The following ANKFN1 variants were observed in gnomAD, a reference collection of about 807,000 sequenced individuals.
ANKFN1 encodes the protein ankyrin repeat and fibronectin type III domain containing 1.
Under a neutral mutation model 108.7 loss-of-function variants are expected in ANKFN1, and 74 were observed. The observed-to-expected ratio is 0.68, with a 90% CI of 0.56 to 0.83. The LOEUF is 0.83. Among genes scored for constraint, ANKFN1 ranks in the 40% least tolerant of loss-of-function variants. The probability of loss-of-function intolerance (pLI) is 0.00; values close to 1 mark genes in which losing one functional copy is unlikely to be tolerated. For synonymous variants in ANKFN1, 547 were observed against 516.2 expected (o/e 1.06, Z -0.81); for missense variants, 1,505 against 1,382.3 (o/e 1.09, Z -1.41).
intron 3 of ANKFN1, among the ~76,000 whole-genome samples, chr17:56,283,569 T>A (rs1265309274): frequency 6.8e-6 from 1 of 147,756 alleles, no homozygotes; most frequent in Non-Finnish European, 1.5e-5. Flanking sequence ...TAAAAAGGAA[T>A]GAATTAATGG....
intron 8 of ANKFN1, among the ~76,000 whole-genome samples, chr17:56,391,236 T>C (rs931812625): frequency 3.0e-5 from 1 of 33,700 alleles, no homozygotes; most frequent in Admixed American, 8.7e-4. Context: ...TATATATATA[T>C]ATATATATAT....
intron 4 of ANKFN1, among the ~76,000 whole-genome samples, chr17:56,132,822 C>CT (rs1050068374): frequency 2.6e-5 from 4 of 152,056 alleles, no homozygotes; most frequent in Non-Finnish European, 4.4e-5. Flanking sequence ...CATAAGGGCA[C>CT]TAATCCTATG....
intron 3 of ANKFN1, among the ~76,000 whole-genome samples, chr17:56,247,644 A>G (rs1918052501): frequency 6.6e-6 from 1 of 152,192 alleles, no homozygotes; most frequent in Admixed American, 6.5e-5. Flanking sequence ...TTGAAGGTCA[A>G]AGAGGAATCA....
chr17:56,487,029 C>T (rs1480922612), intron 18 of ANKFN1, among the ~76,000 whole-genome samples: 1 of 152,176 alleles, frequency 6.6e-6, no homozygotes, highest in Non-Finnish European at 1.5e-5. Context: ...GATAAAGGAG[C>T]TTAGTTCTCT....
At chr17:56,046,192 A>G (rs1043477943) in exon 4 of ANKFN1, 3 of 153,798 alleles carry the variant, frequency 2.0e-5, no homozygotes, top group African/African-American at 7.2e-5. Context: ...AAAGCAGCCC[A>G]GAGGAAAACC....
At chr17:56,489,012 G>T (rs374894153) in intron 18 of ANKFN1, among the ~76,000 whole-genome samples, 4 of 152,326 alleles carry the variant, frequency 2.6e-5, no homozygotes, top group South Asian at 4.1e-4. Flanking sequence ...TAATCCCTGT[G>T]TTAGAGATGA....
intron 1 of ANKFN1, among the ~76,000 whole-genome samples, chr17:56,166,112 G>GA (rs892734330): frequency 6.6e-6 from 1 of 152,116 alleles, no homozygotes; most frequent in Non-Finnish European, 1.5e-5. Flanking sequence ...CTAGTGTGAA[G>GA]AAAAAATGCA....
At chr17:56,462,455 G>A (rs899307388) in intron 14 of ANKFN1, among the ~76,000 whole-genome samples, 19 of 152,154 alleles carry the variant, frequency 1.2e-4, no homozygotes, top group Admixed American at 3.9e-4. Flanking sequence ...TTAGCTGGGC[G>A]TGGTGGCGCA....
chr17:56,094,351 A>AT (rs1905475643), intron 4 of ANKFN1, among the ~76,000 whole-genome samples: 1 of 150,988 alleles, frequency 6.6e-6, no homozygotes, highest in Admixed American at 6.6e-5. Context: ...TAAAATTATG[A>AT]TTTTCAGCAT....
chr17:56,167,263 A>G (rs140206875), intron 1 of ANKFN1, among the ~76,000 whole-genome samples: 2,736 of 62,938 alleles, frequency 0.043, 51 homozygotes, highest in Non-Finnish European at 0.064. Context: ...ATGTGTGTGT[A>G]TATATATATA....
chr17:56,461,525 C>T (rs2049902539), intron 14 of ANKFN1, among the ~76,000 whole-genome samples: 3 of 152,164 alleles, frequency 2.0e-5, no homozygotes, highest in Admixed American at 6.5e-5. Context: ...CTCACTTTGC[C>T]TTACTAATTC....
At chr17:56,381,621 G>A (rs924773995) in intron 8 of ANKFN1, among the ~76,000 whole-genome samples, 62 of 152,322 alleles carry the variant, frequency 4.1e-4, no homozygotes, top group East Asian at 1.2e-3. Context: ...GCCAAGGCTC[G>A]AGAACTACGT....
intron 4 of ANKFN1, among the ~76,000 whole-genome samples, chr17:56,070,130 T>C (rs1040453885): frequency 1.3e-5 from 2 of 152,150 alleles, no homozygotes; most frequent in Non-Finnish European, 1.5e-5. Context: ...TCTCATTATG[T>C]GACTTAGAAT....
intron 4 of ANKFN1, among the ~76,000 whole-genome samples, chr17:56,339,489 T>G (rs1398762910): frequency 6.6e-6 from 1 of 152,028 alleles, no homozygotes; most frequent in Non-Finnish European, 1.5e-5. Context: ...GGCCCCAGTA[T>G]CTCTTGTTCC....
At chr17:56,224,117 T>A (rs1916077410) in intron 2 of ANKFN1, among the ~76,000 whole-genome samples, 2 of 152,234 alleles carry the variant, frequency 1.3e-5, no homozygotes, top group Non-Finnish European at 2.9e-5. Flanking sequence ...ATCACATCCC[T>A]ATGCCTTCAT....
At chr17:56,197,474 T>C (rs1386941823) in intron 1 of ANKFN1, among the ~76,000 whole-genome samples, 1 of 152,214 alleles carries the variant, frequency 6.6e-6, no homozygotes, top group Non-Finnish European at 1.5e-5. Context: ...GAGGTGTCCC[T>C]AGTGTATTCC....
At chr17:56,248,850 C>T (rs2144043624) in intron 3 of ANKFN1, among the ~76,000 whole-genome samples, 2 of 152,266 alleles carry the variant, frequency 1.3e-5, no homozygotes, top group South Asian at 4.1e-4. Context: ...TCCCAGGAAA[C>T]ATGAGTAAGA....
chr17:56,393,112 A>G (rs917534360), intron 8 of ANKFN1, among the ~76,000 whole-genome samples: 1 of 152,092 alleles, frequency 6.6e-6, no homozygotes, highest in Non-Finnish European at 1.5e-5. Flanking sequence ...CTTAAGTGTA[A>G]GGCCCACCGT....
chr17:56,309,945 G>A (rs988829437), intron 3 of ANKFN1, among the ~76,000 whole-genome samples: 15 of 152,272 alleles, frequency 9.9e-5, no homozygotes, highest in African/African-American at 2.2e-4. Context: ...TAGCACGGGC[G>A]TTGTGATGTA....
Sources: allele counts gnomAD v4.1 joint callset (sites outside exome capture counted in the v4.1 genomes callset), GRCh38; gene constraint gnomAD v4.1.1; transcripts MANE v1.5; gene names NCBI Gene and HGNC (gene_info 2026-07-23, HGNC 2026-07-21).